The following PITRM1 variants were observed in gnomAD, a reference collection of about 807,000 sequenced individuals.
PITRM1 encodes the protein pitrilysin metallopeptidase 1.
Under a neutral mutation model 129.9 loss-of-function variants are expected in PITRM1, and 100 were observed. The ratio of observed to expected loss-of-function variants is 0.77; its 90% CI spans 0.65 to 0.91. The LOEUF is 0.91. PITRM1 is among the 40% of genes least tolerant of loss of function. The probability of loss-of-function intolerance (pLI) is 0.00; values close to 1 mark genes in which losing one functional copy is unlikely to be tolerated. For synonymous variants in PITRM1, 591 were observed against 508.8 expected, an observed-to-expected ratio of 1.16 and a Z score of -2.17; for missense variants, 1,471 against 1,318.3, an observed-to-expected ratio of 1.12 and a Z score of -1.79.
At chr10:3,164,718 T>A (rs1842720935) in intron 6 of PITRM1, among the ~76,000 whole-genome samples, 1 of 152,216 alleles carries the variant, frequency 6.6e-6, no homozygotes, top group African/African-American at 2.4e-5. Context: ...AAATACTTAT[T>A]CATTAAGGTA....
At chr10:3,153,771 T>G (rs1205901840) in intron 14 of PITRM1, among the ~76,000 whole-genome samples, 1 of 152,230 alleles carries the variant, frequency 6.6e-6, no homozygotes, top group Admixed American at 6.5e-5. Flanking sequence ...AGTCACTTAC[T>G]TTCCACCTAA....
rs2132486156 is a variant in PITRM1, at chr10:3,162,924, AG to A, written c.791+800del. On this transcript the variant is annotated intron_variant, in intron 7 of 26. Transcript: ENST00000224949. ...TCTGAATATGGAATAAGAAATAGGC[AG>A]TTTTAAGAAAGTATGTTTTATTCTA... Among the ~76,000 whole-genome samples the A allele has an allele frequency of 1.3e-5, 2 of 152,266 alleles. 1 individual carries two copies. Among genetic ancestry groups the A allele is most frequent in the East Asian group, 3.9e-4 (2 of 5,184 alleles).
chr10:3,138,992 C>T lies in PITRM1; in HGVS notation c.2829G>A (p.Lys943=), dbSNP rs1839907039. 1 of 1,613,944 alleles carries T rather than the reference C, an allele frequency of 6.2e-7. No individual in the cohort carries two copies. The highest frequency in any genetic ancestry group is 2.2e-5 in the East Asian group (1 of 44,886). Reference sequence around the variant, plus strand: ...TGTCTTGCTGTGTGAATTTTCCAGACTTAGCCCAGTCGACAGCCTTCCCAA... The same window carrying T: ...TGTCTTGCTGTGTGAATTTTCCAGATTTAGCCCAGTCGACAGCCTTCCCAA... The part of the protein sequence containing the change: ...QSFGKAVDWA[K]SGKFTQQDID... Residue 943 remains lysine (K), a synonymous_variant, in exon 25 of 27, where the codon AAG becomes AAA. Transcript: ENST00000224949.
At chr10:3,172,684 G>C (rs1166466116) in intron 1 of PITRM1, 33 bp downstream of exon 1, 2 of 1,526,606 alleles carry the variant, frequency 1.3e-6, no homozygotes, top group South Asian at 2.4e-5. Context: ...CCGGGTACCA[G>C]CGCGCCGAGC....
At chr10:3,171,319 C>A in intron 1 of PITRM1, among the ~76,000 whole-genome samples, 1 of 132,818 alleles carries the variant, frequency 7.5e-6, no homozygotes, top group African/African-American at 2.9e-5. Context: ...TGTCAGAACG[C>A]ATAAAAATGG....
chr10:3,168,253 C>T (rs1453447820), intron 2 of PITRM1, among the ~76,000 whole-genome samples: 1 of 152,302 alleles, frequency 6.6e-6, no homozygotes, highest in Non-Finnish European at 1.5e-5. Context: ...CATCTACCGC[C>T]GCGAAATTAC....
Position 3,147,701 on chromosome 10 carries a change from C to A in PITRM1, c.2106G>T (p.Leu702=). 6.2e-7 allele frequency: 1 copy of A among 1,611,194 alleles called. No individual in the cohort carries two copies. Among genetic ancestry groups the A allele is most frequent in the South Asian group, 1.1e-5 (1 of 90,524 alleles). The change falls in exon 19 of 27, where the codon CTG becomes CTT. Residue 702 remains leucine, a synonymous_variant. Coordinates refer to ENST00000224949, the MANE Select transcript of PITRM1 (RefSeq NM_014889.4). ...CGAGCTCCTGGGCGGTCATCTTCAC[C>A]AGCACCTTGAAGTGCTCCTCTTCTT... ...CFEEEEHFKV[L]VKMTAQELAN...
At chr10:3,157,221 CA>C (rs1217146314) in intron 12 of PITRM1, 157 bp from the exon 13 acceptor site, 3 of 772,376 alleles carry the variant, frequency 3.9e-6, no homozygotes, top group Non-Finnish European at 5.9e-6. Context: ...GATGGAGAAA[CA>C]AAAAAACTTA....
chr10:3,167,318 C>T (rs887433859), intron 2 of PITRM1, among the ~76,000 whole-genome samples: 5 of 152,220 alleles, frequency 3.3e-5, no homozygotes, highest in Admixed American at 6.5e-5. Flanking sequence ...AGAGCGCACG[C>T]GCTTACTACT....
At position 3,172,728 on chromosome 10, in the gene PITRM1, C is replaced by G. The variant is rs368645313; in HGVS notation, c.45G>C (p.Arg15=). The G allele has an allele frequency of 1.3e-6, 2 of 1,542,814 alleles. No homozygotes were observed. The highest frequency in any genetic ancestry group is 1.7e-6 in the Non-Finnish European group (2 of 1,144,216). Residue 15 remains arginine (R), a synonymous_variant, in exon 1 of 27, where the codon CGG becomes CGC. Transcript: ENST00000224949. ...GGRQGLCVLR[R]LSGGHAHHRA... The stretch of plus-strand genomic sequence containing the variant: ...TCGCAGCGTCTCACCCGCCGCTCAG[C>G]CGCCTCAGCACACACAGGCCCTGCC...
At chr10:3,155,557 T>G in intron 14 of PITRM1, 34 bp downstream of exon 14, 1 of 1,612,678 alleles carries the variant, frequency 6.2e-7, no homozygotes, top group Non-Finnish European at 8.5e-7. Context: ...GAGTGCAGGT[T>G]AGGGACTCGC....
In PITRM1 at chr10:3,158,940, A is replaced by G. The variant is rs1401132295; in HGVS notation, c.1110T>C (p.Leu370=). The G allele has an allele frequency of 2.5e-6, 4 of 1,613,738 alleles. No homozygotes were observed. Among genetic ancestry groups the G allele is most frequent in the Non-Finnish European group, 3.4e-6 (4 of 1,179,784 alleles). ...CAACATCAGGAGAAAAGTCTGTGCCAAGGCCAGATTCAATCAAGGCTTTGT... is the reference window on the plus strand; with the variant it reads ...CAACATCAGGAGAAAAGTCTGTGCCGAGGCCAGATTCAATCAAGGCTTTGT... The part of the protein sequence containing the change: ...PFYKALIESG[L]GTDFSPDVGY... The change falls in exon 10 of 27, where the codon CTT becomes CTC. Residue 370 remains leucine, a synonymous_variant. Coordinates refer to ENST00000224949, the MANE Select transcript of PITRM1 (RefSeq NM_014889.4).
intron 4 of PITRM1, among the ~76,000 whole-genome samples, chr10:3,165,975 C>T (rs1842826723): frequency 6.6e-6 from 1 of 152,198 alleles, no homozygotes; most frequent in South Asian, 2.1e-4. Flanking sequence ...GCGATATCTC[C>T]AAGAGAAAAT....
chr10:3,144,261 G>A lies in PITRM1; in HGVS notation c.2532+31C>T, dbSNP rs185658916. ...CAGCCATGCAGGGAAGCACCCACCC[G>A]CTGGCAACCCGGATGGGCTGTGGTT... On this transcript the variant is annotated intron_variant, in intron 22 of 26. Transcript: ENST00000224949. The A allele has an allele frequency of 8.3e-5, 115 of 1,388,172 alleles. 1 individual carries two copies. Among genetic ancestry groups the A allele is most frequent in the South Asian group, 1.8e-4 (14 of 79,310 alleles). 86.0% of individuals were successfully genotyped at this position (1,388,172 alleles called of 1,614,324 possible).
rs772488908 is a variant in PITRM1, at chr10:3,138,260, C to G, written c.2995G>C (p.Asp999His). 1 of 1,613,548 alleles carries G rather than the reference C, an allele frequency of 6.2e-7. No homozygotes were observed. The highest frequency in any genetic ancestry group is 8.5e-7 in the Non-Finnish European group (1 of 1,179,630). ...HREQLFAVSH[D>H]KLLAVSDRYL... is the part of the protein sequence containing the mutation. ...CTATCGCTCACGGCCAGGAGCTTGT[C>G]GTGGCTGACAGCAAAGAGCTGCTCT... The change falls in exon 26 of 27, where the codon GAC (aspartate) becomes CAC (histidine). Residue 999 changes from aspartate (D) to histidine (H), a missense_variant. Physicochemically the swap from Asp to His is moderately conservative, Grantham distance 81. Transcript: ENST00000224949.
chr10:3,167,130 T>C, intron 2 of PITRM1, 88 bp from the exon 3 acceptor site: 1 of 733,674 alleles, frequency 1.4e-6, no homozygotes, highest in East Asian at 2.7e-5. Context: ...AAAACTGGCT[T>C]TTCTGCCTGA....
In PITRM1 at chr10:3,160,241, C is replaced by T. The variant is rs1340763714; in HGVS notation, c.881G>A (p.Ser294Asn). The T allele has an allele frequency of 1.9e-6, 3 of 1,613,978 alleles. No individual in the cohort carries two copies. The highest frequency in any genetic ancestry group is 2.5e-6 in the Non-Finnish European group (3 of 1,179,870). ...ALSKFQKIEP[S>N]TVVPAQTPWD... The stretch of plus-strand genomic sequence containing the variant: ...GGGTGTCTGAGCTGGCACCACGGTG[C>T]TTGGTTCAATTTTCTGGAATTTGCT... The change falls in exon 8 of 27, where the codon AGC becomes AAC. Residue 294 changes from serine to asparagine, a missense_variant. By Grantham distance (46) the Ser-to-Asn change is conservative. Transcript: ENST00000224949.
At chr10:3,143,209 T>C in intron 23 of PITRM1, 180 bp downstream of exon 23, 1 of 596,158 alleles carries the variant, frequency 1.7e-6, no homozygotes, top group South Asian at 2.0e-5. Context: ...AAACTGGGTC[T>C]CTGTTCACAA....
intron 2 of PITRM1, among the ~76,000 whole-genome samples, chr10:3,169,386 GCTCCCACTC>G (rs1056284275): frequency 6.6e-6 from 1 of 152,172 alleles, no homozygotes; most frequent in Non-Finnish European, 1.5e-5. Flanking sequence ...AGCAGCAGCA[GCTCCCACTC>G]CTCCTCCTGC....
Sources: gnomAD v4.1 joint callset for allele counts (sites outside exome capture counted in the v4.1 genomes callset) on GRCh38, gnomAD v4.1.1 for gene constraint, MANE v1.5 for transcripts, NCBI Gene and HGNC (gene_info 2026-07-23, HGNC 2026-07-21) for gene names.